Variants in ATG16L2 observed in about 807,000 individuals in gnomAD.
ATG16L2 encodes the protein autophagy related 16 like 2.
Under a neutral mutation model 84.7 loss-of-function variants are expected in ATG16L2, and 77 were observed. That is an observed-to-expected ratio of 0.91 (90% CI 0.76 to 1.10). The LOEUF is 1.10. ATG16L2 is among the 50% of genes least tolerant of loss of function. The pLI is 0.00. For missense variants in ATG16L2, 782 were observed against 817.6 expected, an observed-to-expected ratio of 0.96 and a Z score of 0.53; for synonymous variants, 361 against 342.8, an observed-to-expected ratio of 1.05 and a Z score of -0.59.
Position 72,824,107 on chromosome 11 carries a change from T to G in ATG16L2, c.872T>G (p.Val291Gly), listed in dbSNP as rs752543316. ...ACGCTGTCCCACTGTGTGGATGTGG[T>G]GAAGGGGCTTCTGGAGTAAGTGTGT... ...SLTLSHCVDV[V>G]KGLLDFKKRR... Residue 291 changes from valine (V) to glycine (G), a missense_variant, in exon 8 of 18, where the codon GTG becomes GGG. Coordinates refer to ENST00000321297, the MANE Select transcript of ATG16L2 (RefSeq NM_033388.2). 6.2e-6 allele frequency: 10 copies of G among 1,614,102 alleles called. No homozygotes were observed. The Admixed American group carries it at 1.7e-4, about 27-fold the overall frequency.
chr11:72,824,813 C>T lies in ATG16L2; in HGVS notation c.967C>T (p.Arg323Ter), dbSNP rs764043252. Residue 323 changes from arginine to a stop codon, truncating the protein, a stop_gained, in exon 9 of 18, where the codon CGA (arginine) becomes TGA (stop). Coordinates refer to ENST00000321297, the MANE Select transcript of ATG16L2 (RefSeq NM_033388.2). LOFTEE classifies it high-confidence loss of function. Reference protein sequence around the residue: ...YQIIPVCVAARLPTRAQDVLD... With the variant: ...YQIIPVCVAA ...GATCATCCCTGTGTGTGTGGCTGCC[C>T]GACTTCCTACCCGGGCTCAGGATGT... 15 of 1,601,722 alleles carry T rather than the reference C, an allele frequency of 9.4e-6. No homozygotes were observed. The highest frequency in any genetic ancestry group is 1.7e-4 in the Middle Eastern group (1 of 6,004).
chr11:72,831,558 AGCCTTGG>A (rs1860607024), downstream of ATG16L2, among the ~76,000 whole-genome samples: 1 of 152,200 alleles, frequency 6.6e-6, no homozygotes, highest in Non-Finnish European at 1.5e-5. Flanking sequence ...ACGGTCTAAG[AGCCTTGG>A]GCTCCAACAT....
chr11:72,831,449 G>A (rs1860603992), downstream of ATG16L2, among the ~76,000 whole-genome samples: 1 of 152,216 alleles, frequency 6.6e-6, no homozygotes, highest in African/African-American at 2.4e-5. Context: ...AGGTTGCAGT[G>A]AGCTGAGAAT....
At chr11:72,823,037 C>T (rs1054498509) in intron 7 of ATG16L2, 76 bp downstream of exon 7, 33 of 1,054,842 alleles carry the variant, frequency 3.1e-5, no homozygotes, top group Middle Eastern at 5.9e-4. Flanking sequence ...TCCTCTTGGA[C>T]CTTGGAGCCA....
Position 72,826,198 on chromosome 11 carries a change from G to T in ATG16L2, c.1128G>T (p.Leu376=). Residue 376 remains leucine (L), a synonymous_variant, in exon 11 of 18, where the codon CTG becomes CTT. Coordinates refer to ENST00000321297, the MANE Select transcript of ATG16L2 (RefSeq NM_033388.2). ...GTCGCCTGGAGGCCAACCAGACCCT[G>T]GAGGGAGCTGGTGGCAGCATCACCA... ...VGSRLEANQT[L]EGAGGSITSV... 6.2e-7 allele frequency: 1 copy of T among 1,613,924 alleles called. No homozygotes were observed. The highest frequency in any genetic ancestry group is 1.1e-5 in the South Asian group (1 of 91,052).
intron 3 of ATG16L2, chr11:72,818,404 C>G (rs1859806569): frequency 6.5e-6 from 1 of 153,432 alleles, no homozygotes; most frequent in South Asian, 2.0e-4. Context: ...ATTCCTGTCC[C>G]TTCAAATGTG....
At position 72,822,386 on chromosome 11, in the gene ATG16L2, A is replaced by G. The variant is rs751612236; in HGVS notation, c.644+91A>G. The stretch of plus-strand genomic sequence containing the variant: ...GCCGGTGTCTGGAAGGGAGGGGGGC[A>G]GCAGCCGCCCCCTGGAGGAAGGGAC... On this transcript the variant is annotated intron_variant, in intron 5 of 17. Coordinates refer to ENST00000321297, the MANE Select transcript of ATG16L2 (RefSeq NM_033388.2). This position sits in a 1 kb window ranked among gnomAD's most constrained non-coding sequence, Gnocchi z 4.2. 7.6e-6 allele frequency: 12 copies of G among 1,586,352 alleles called. No homozygotes were observed. In the South Asian group the frequency reaches 1.4e-4, roughly 18 times the overall value.
chr11:72,823,570 A>G (rs1352444124), intron 7 of ATG16L2: 1 of 422,192 alleles, frequency 2.4e-6, no homozygotes, highest in East Asian at 7.1e-5. Context: ...CCTGGTGTCC[A>G]GGCCTTGGGG....
Position 72,817,807 on chromosome 11 carries a change from G to C in ATG16L2, c.270G>C (p.Arg90Ser), listed in dbSNP as rs1341581403. ...SDQVPSLVAL[R>S]VKWQEEEEGL... ...AAGTCCCATCACTGGTCGCACTGAG[G>C]GTGAAGTGGCAGGAGGAGGAGGAGG... Residue 90 changes from arginine (R) to serine (S), a missense_variant, in exon 3 of 18, where the codon AGG becomes AGC. Coordinates refer to ENST00000321297, the MANE Select transcript of ATG16L2 (RefSeq NM_033388.2). 5.6e-6 allele frequency: 9 copies of C among 1,613,380 alleles called. No homozygotes were observed. The highest frequency in any genetic ancestry group is 3.3e-5 in the Admixed American group (2 of 60,012).
chr11:72,817,733 G>A (rs1859774584), intron 2 of ATG16L2, 23 bp from the exon 3 acceptor site: 1 of 1,611,998 alleles, frequency 6.2e-7, no homozygotes, highest in Non-Finnish European at 8.5e-7. Context: ...GGGACATTGA[G>A]CACCACTCTG....
intron 1 of ATG16L2, among the ~76,000 whole-genome samples, chr11:72,815,129 G>A (rs1030195209): frequency 6.6e-6 from 1 of 152,262 alleles, no homozygotes; most frequent in African/African-American, 2.4e-5. Flanking sequence ...CGGGCTGCTG[G>A]TGGATGCTGG....
At chr11:72,834,927 G>A (rs182863360) in intron 5 of ATG16L2, among the ~76,000 whole-genome samples, 1 of 152,334 alleles carries the variant, frequency 6.6e-6, no homozygotes, top group Admixed American at 6.5e-5. Flanking sequence ...CAGCTAAGAG[G>A]GAAAGGTCTT....
At chr11:72,841,650 G>A in intron 5 of ATG16L2, 1 of 1,472,710 alleles carries the variant, frequency 6.8e-7, no homozygotes, top group Non-Finnish European at 9.1e-7. Flanking sequence ...CTGCTTCTCT[G>A]ACTGCTCTGT....
chr11:72,841,449 C>G lies in ATG16L2; in HGVS notation c.*22-1168C>G, dbSNP rs750733173. The stretch of plus-strand genomic sequence containing the variant: ...ATTTAGACCCATGCCCAGGAGAACC[C>G]TTACCGTTTGCTGAAGGAGACCGGG... On this transcript the variant is annotated intron_variant, in intron 5 of 5. Transcript: ENST00000534905. 6.0e-5 allele frequency: 96 copies of G among 1,610,300 alleles called. No homozygotes were observed. The highest frequency in any genetic ancestry group is 7.6e-6 in the Non-Finnish European group (9 of 1,178,474).
chr11:72,831,577 C>T (rs1295381345), downstream of ATG16L2, among the ~76,000 whole-genome samples: 1 of 152,216 alleles, frequency 6.6e-6, no homozygotes, highest in Non-Finnish European at 1.5e-5. Flanking sequence ...CTCCAACATT[C>T]TTCGATACTC....
At chr11:72,820,636 G>A (rs150089868) in intron 3 of ATG16L2, among the ~76,000 whole-genome samples, 16 of 152,278 alleles carry the variant, frequency 1.1e-4, no homozygotes, top group Non-Finnish European at 2.2e-4. Flanking sequence ...CTCACATAGC[G>A]CGTCATGTCA....
chr11:72,820,431 AC>A (rs1859925528), intron 3 of ATG16L2: 1 of 152,138 alleles, frequency 6.6e-6, no homozygotes, highest in Non-Finnish European at 1.5e-5. Context: ...TTCCACTTCT[AC>A]TACTTGAATT....
chr11:72,840,890 C>T (rs202178689), intron 5 of ATG16L2: 2 of 1,610,818 alleles, frequency 1.2e-6, no homozygotes, highest in East Asian at 2.2e-5. Flanking sequence ...TCGCAGTTTG[C>T]CATATGAGGT....
chr11:72,843,629 T>C, exon 6 of ATG16L2: 4 of 779,264 alleles, frequency 5.1e-6, no homozygotes, highest in Non-Finnish European at 8.8e-6. Flanking sequence ...AATATTGAAA[T>C]GATTTTGAGA....
Sources: allele counts gnomAD v4.1 joint callset (sites outside exome capture counted in the v4.1 genomes callset), GRCh38; gene constraint gnomAD v4.1.1; non-coding constraint Gnocchi (gnomAD v3.1); transcripts MANE v1.5; gene names NCBI Gene and HGNC (gene_info 2026-07-23, HGNC 2026-07-21).